Variants in STX2 observed in about 807,000 individuals in gnomAD.
STX2 encodes syntaxin 2, also known as syntaxin-2.
Under a neutral mutation model 40.6 loss-of-function variants are expected in STX2, and 27 were observed. That is an observed-to-expected ratio of 0.66 (90% confidence interval 0.49 to 0.92). STX2 has a LOEUF of 0.92. Among genes scored for constraint, STX2 ranks in the 40% least tolerant of loss-of-function variants. The pLI is 0.00. For missense variants in STX2, 328 were observed against 366.1 expected (o/e 0.90, Z 0.85); for synonymous variants, 123 against 119.1 (o/e 1.03, Z -0.22).
intron 3 of STX2, among the ~76,000 whole-genome samples, chr12:130,816,437 G>T (rs1951862650): frequency 6.6e-6 from 1 of 152,194 alleles, no homozygotes. Context: ...CAACTCATCA[G>T]CAAAACAAAA....
At chr12:130,795,271 G>A (rs1950993724) in intron 10 of STX2, among the ~76,000 whole-genome samples, 1 of 152,106 alleles carries the variant, frequency 6.6e-6, no homozygotes, top group Non-Finnish European at 1.5e-5. Context: ...CCATGCCCTC[G>A]ATTCCATAGT....
At chr12:130,811,032 A>T (rs1375949473) in intron 4 of STX2, 1 of 152,190 alleles carries the variant, frequency 6.6e-6, no homozygotes, top group East Asian at 1.9e-4. Flanking sequence ...TTGAAGGGGA[A>T]AGGTTTCTTT....
intron 10 of STX2, among the ~76,000 whole-genome samples, chr12:130,795,227 G>A (rs930628353): frequency 6.6e-6 from 1 of 152,188 alleles, no homozygotes; most frequent in African/African-American, 2.4e-5. Flanking sequence ...GTCGAAGGAT[G>A]TTCCTTTCAG....
At position 130,827,187 on chromosome 12, in the gene STX2, T is replaced by C; in HGVS notation, c.105+6A>G. On this transcript the variant is annotated splice_donor_region_variant and intron_variant, in intron 2 of 10. Coordinates refer to ENST00000392373, the MANE Select transcript of STX2 (RefSeq NM_194356.4). ...GCTATGATTGGGTTTCATTAAACGC[T>C]CTTACCTGATGGAAGAAATCATCCA... is the stretch of plus-strand genomic sequence containing the variant. 1 of 1,612,634 alleles carries C rather than the reference T, an allele frequency of 6.2e-7. No homozygotes were observed. The highest frequency in any genetic ancestry group is 8.5e-7 in the Non-Finnish European group (1 of 1,179,180).
At chr12:130,799,643 C>T (rs1951148940) in intron 8 of STX2, among the ~76,000 whole-genome samples, 1 of 152,042 alleles carries the variant, frequency 6.6e-6, no homozygotes, top group Non-Finnish European at 1.5e-5. Flanking sequence ...TTTCCTCTAG[C>T]AAATGCTTAT....
At chr12:130,817,109 A>G (rs1282341313) in intron 3 of STX2, among the ~76,000 whole-genome samples, 1 of 151,208 alleles carries the variant, frequency 6.6e-6, no homozygotes, top group Non-Finnish European at 1.5e-5. Context: ...CAAACAAAGA[A>G]AAAAAAAAAC....
chr12:130,797,140 G>C (rs954181976), intron 9 of STX2, among the ~76,000 whole-genome samples: 6 of 152,164 alleles, frequency 3.9e-5, no homozygotes, highest in Non-Finnish European at 7.3e-5. Flanking sequence ...GCACCTCACA[G>C]AGCCAGGCTT....
chr12:130,817,417 G>GA (rs771046678), intron 3 of STX2, among the ~76,000 whole-genome samples: 9 of 151,872 alleles, frequency 5.9e-5, no homozygotes, highest in Admixed American at 2.0e-4. Context: ...AATATATAGA[G>GA]AAAAAATGAT....
In STX2 at chr12:130,791,908, A is replaced by G. The variant is rs1403646804; in HGVS notation, c.*115T>C. On this transcript the variant is annotated 3_prime_UTR_variant, in exon 11 of 11. Coordinates refer to ENST00000392373, the MANE Select transcript of STX2 (RefSeq NM_194356.4). ...CTCTTGGGATATGGTTGCTAGGACAATGTTGTTGCTAGGATAATTCCAAGG... is the reference window on the plus strand; with the variant it reads ...CTCTTGGGATATGGTTGCTAGGACAGTGTTGTTGCTAGGATAATTCCAAGG... 6.2e-7 allele frequency: 1 copy of G among 1,611,700 alleles called. No homozygotes were observed. Among genetic ancestry groups the G allele is most frequent in the East Asian group, 2.2e-5 (1 of 44,810 alleles).
intron 9 of STX2, 113 bp downstream of exon 9, chr12:130,798,412 T>G (rs756216786): frequency 1.4e-4 from 80 of 589,836 alleles, no homozygotes; most frequent in Non-Finnish European, 1.9e-4. Flanking sequence ...AATAAAACAT[T>G]TATTAATTAA....
Position 130,819,132 on chromosome 12 carries a change from C to T in STX2, c.205+2557G>A, listed in dbSNP as rs186184637. On this transcript the variant is annotated intron_variant, in intron 3 of 10. Transcript: ENST00000392373. The stretch of plus-strand genomic sequence containing the variant: ...CTGGGACCGGGGACCCGCCCAGGAC[C>T]GGCTGCCTCTGGCGCCACCTGGCGG... Among the ~76,000 whole-genome samples, 5 of 152,324 alleles carry T rather than the reference C, an allele frequency of 3.3e-5. No individual in the cohort carries two copies. In the East Asian group the frequency reaches 7.7e-4, roughly 24 times the overall value.
In STX2 at chr12:130,790,747, T is replaced by G. The variant is rs1950856423; in HGVS notation, c.*1276A>C. ...TTTCATCACCGTCTTAAATTCAGAC[T>G]TCATTCATGTAAACTGGGAAACTCG... On this transcript the variant is annotated 3_prime_UTR_variant, in exon 11 of 11. Transcript: ENST00000392373. 6.6e-6 allele frequency: 1 copy of G among 152,430 alleles called. No individual in the cohort carries two copies. Among genetic ancestry groups the G allele is most frequent in the African/African-American group, 2.4e-5 (1 of 41,458 alleles). 9.4% of individuals were successfully genotyped at this position (152,430 alleles called of 1,614,324 possible).
chr12:130,804,870 AGAAACTGGAAAT>A (rs1232489021), intron 6 of STX2, among the ~76,000 whole-genome samples: 3 of 151,620 alleles, frequency 2.0e-5, no homozygotes, highest in African/African-American at 4.8e-5. Context: ...TTGCAAGAGA[AGAAACTGGAAAT>A]GAATTCTGTG....
chr12:130,801,821 G>A (rs962085133), intron 6 of STX2, among the ~76,000 whole-genome samples: 1 of 152,190 alleles, frequency 6.6e-6, no homozygotes, highest in African/African-American at 2.4e-5. Flanking sequence ...GTAAAAGGGG[G>A]TTGAGCTGAA....
intron 6 of STX2, 127 bp from the exon 7 acceptor site, chr12:130,801,615 T>C (rs1951230786): frequency 1.0e-6 from 1 of 1,004,562 alleles, no homozygotes; most frequent in African/African-American, 1.6e-5. Flanking sequence ...TTTAACCTTT[T>C]CTTAAGCAGA....
intron 10 of STX2, among the ~76,000 whole-genome samples, chr12:130,794,323 G>A (rs111890557): frequency 1.3e-5 from 2 of 152,018 alleles, no homozygotes; most frequent in East Asian, 1.9e-4. Context: ...AAAAATAGAC[G>A]GTAAGAGAGT....
Position 130,817,124 on chromosome 12 carries a change from G to A in STX2, c.206-4093C>T, listed in dbSNP as rs201551793. On this transcript the variant is annotated intron_variant, in intron 3 of 10. Coordinates refer to ENST00000392373, the MANE Select transcript of STX2 (RefSeq NM_194356.4). ...CAAACAAAGAAAAAAAAAAACACAT[G>A]AATGAAAACCCAACAAAAAGAGACA... 5.3e-5 allele frequency among the ~76,000 whole-genome samples: 8 copies of A among 150,028 alleles called. No individual in the cohort carries two copies. The East Asian group carries it at 1.2e-3, about 22-fold the overall frequency.
chr12:130,834,902 C>T (rs1394363043), intron 1 of STX2, among the ~76,000 whole-genome samples: 1 of 152,230 alleles, frequency 6.6e-6, no homozygotes, highest in Non-Finnish European at 1.5e-5. Flanking sequence ...CCTGCATCTT[C>T]ACTATACAAC....
At chr12:130,795,871 A>G (rs1211051345) in intron 10 of STX2, 124 bp downstream of exon 10, 1 of 1,173,734 alleles carries the variant, frequency 8.5e-7, no homozygotes, top group East Asian at 2.7e-5. Flanking sequence ...GTATCACTAG[A>G]TGGCATTATC....
Sources: gnomAD v4.1 joint callset for allele counts (sites outside exome capture counted in the v4.1 genomes callset) on GRCh38, gnomAD v4.1.1 for gene constraint, MANE v1.5 for transcripts, NCBI Gene and HGNC (gene_info 2026-07-23, HGNC 2026-07-21) for gene names.